The following ADAM22 variants were observed in gnomAD, a reference collection of about 807,000 sequenced individuals.
The protein encoded by ADAM22 is disintegrin and metalloproteinase domain-containing protein 22.
In ADAM22, 65 loss-of-function variants were observed where a neutral mutation model predicts 144.6. The observed-to-expected ratio is 0.45, with a 90% CI of 0.37 to 0.55. The LOEUF (loss-of-function observed/expected upper bound fraction) is 0.55, where lower values mean the gene tolerates loss of function less well. Among genes scored for constraint, ADAM22 ranks in the 20% least tolerant of loss-of-function variants. ADAM22 has a pLI of 0.00. For missense variants in ADAM22, 974 were observed against 1,184.9 expected (o/e 0.82, Z 2.61); for synonymous variants, 391 against 412.6 (o/e 0.95, Z 0.63).
At chr7:88,035,720 G>A (rs1801377912) in intron 3 of ADAM22, among the ~76,000 whole-genome samples, 1 of 152,182 alleles carries the variant, frequency 6.6e-6, no homozygotes, top group South Asian at 2.1e-4. Context: ...TAATGCATAG[G>A]CTGTATGCAA....
chr7:87,992,448 T>A (rs1317048286), intron 3 of ADAM22, among the ~76,000 whole-genome samples: 1 of 152,182 alleles, frequency 6.6e-6, no homozygotes, highest in Non-Finnish European at 1.5e-5. Flanking sequence ...TTTAAGTGAA[T>A]GTTAACGTTA....
chr7:88,099,199 A>C (rs950085449), intron 4 of ADAM22, among the ~76,000 whole-genome samples: 1 of 152,186 alleles, frequency 6.6e-6, no homozygotes, highest in African/African-American at 2.4e-5. Context: ...CAACTCTGAA[A>C]GTCTGAAATT....
intron 3 of ADAM22, among the ~76,000 whole-genome samples, chr7:88,048,833 T>G (rs1209361102): frequency 6.6e-6 from 1 of 152,190 alleles, no homozygotes; most frequent in Non-Finnish European, 1.5e-5. Flanking sequence ...CTACAGATAA[T>G]TCCCTTTTCT....
intron 23 of ADAM22, among the ~76,000 whole-genome samples, chr7:88,164,842 A>G (rs973751671): frequency 6.6e-4 from 100 of 152,242 alleles, no homozygotes; most frequent in African/African-American, 2.3e-3. Flanking sequence ...GACATATGAT[A>G]TAGCAACTGA....
At chr7:88,108,487 G>T (rs191861793) in intron 5 of ADAM22, among the ~76,000 whole-genome samples, 37 of 152,060 alleles carry the variant, frequency 2.4e-4, no homozygotes, top group African/African-American at 7.2e-4. Flanking sequence ...CAGCACTTTG[G>T]GGGGGTCTAG....
At chr7:88,171,481 AT>A in intron 25 of ADAM22, 62 bp from the exon 26 acceptor site, 3 of 1,453,234 alleles carry the variant, frequency 2.1e-6, no homozygotes, top group Non-Finnish European at 1.9e-6. Flanking sequence ...CTCCCTCTTG[AT>A]GTCCTTCCAG....
intron 26 of ADAM22, among the ~76,000 whole-genome samples, chr7:88,173,443 A>C (rs1434022435): frequency 6.6e-6 from 1 of 152,030 alleles, no homozygotes; most frequent in South Asian, 2.1e-4. Flanking sequence ...AGTAGGTCTC[A>C]AAGTGGAGAA....
intron 7 of ADAM22, among the ~76,000 whole-genome samples, chr7:88,119,076 T>C (rs562370534): frequency 2.0e-5 from 3 of 152,336 alleles, no homozygotes; most frequent in Middle Eastern, 3.4e-3. Flanking sequence ...TTCCCCAAAC[T>C]TGCTGGACTG....
Position 88,181,538 on chromosome 7 carries a change from G to T in ADAM22, c.2529G>T (p.Arg843Ser). 6.2e-7 allele frequency: 1 copy of T among 1,613,812 alleles called. No homozygotes were observed. Among genetic ancestry groups the T allele is most frequent in the Non-Finnish European group, 8.5e-7 (1 of 1,179,784 alleles). Residue 843 changes from arginine (R) to serine (S), a missense_variant, in exon 28 of 32, where the codon AGG becomes AGT. By Grantham distance (110) the Arg-to-Ser change is moderately radical (BLOSUM62 -1). Around this residue, in one of 2 missense-constraint regions of ADAM22, gnomAD observed 734 missense variants for 950.6 expected, o/e 0.77. Coordinates refer to ENST00000413139, the MANE Select transcript of ADAM22 (RefSeq NM_001324418.2). Reference protein sequence around the residue: ...SNGLSHSWSERIPDTKHISDI... With the variant: ...SNGLSHSWSESIPDTKHISDI... ...GGCTCTCTCATTCTTGGAGTGAAAG[G>T]ATTCCAGACACAAAACATATTTCAG... is the stretch of plus-strand genomic sequence containing the variant.
At chr7:88,012,208 T>C (rs182495952) in intron 3 of ADAM22, among the ~76,000 whole-genome samples, 4 of 152,318 alleles carry the variant, frequency 2.6e-5, no homozygotes, top group Admixed American at 6.5e-5. Context: ...TGATTCTTTC[T>C]TAGAATTTTT....
chr7:88,041,904 G>C (rs1803214992), intron 3 of ADAM22, among the ~76,000 whole-genome samples: 1 of 151,930 alleles, frequency 6.6e-6, no homozygotes, highest in Non-Finnish European at 1.5e-5. Flanking sequence ...GATCTGTTGA[G>C]AAACAAAATA....
At chr7:88,156,059 G>A in intron 22 of ADAM22, 53 bp downstream of exon 22, 1 of 1,596,962 alleles carries the variant, frequency 6.3e-7, no homozygotes, top group Non-Finnish European at 8.6e-7. Context: ...TCTCAGGAAT[G>A]CAGTTTAGGA....
chr7:88,058,364 A>G (rs559086213), intron 3 of ADAM22, among the ~76,000 whole-genome samples: 1 of 152,354 alleles, frequency 6.6e-6, no homozygotes, highest in South Asian at 2.1e-4. Context: ...TTTGTTTCAC[A>G]TCTATAAACA....
intron 3 of ADAM22, among the ~76,000 whole-genome samples, chr7:88,007,701 G>T (rs977887698): frequency 1.2e-4 from 18 of 152,292 alleles, no homozygotes; most frequent in Non-Finnish European, 2.5e-4. Context: ...GCCATATGTA[G>T]AAAGCTGAAA....
chr7:88,179,850 G>A lies in ADAM22; in HGVS notation c.2495+721G>A, dbSNP rs955100975. On this transcript the variant is annotated intron_variant, in intron 27 of 31. Transcript: ENST00000413139. ...CATTGAAGGAAGCAAAAATATTCTT[G>A]TGGGAGAATTTATTTATTTAAAGTT... is the stretch of plus-strand genomic sequence containing the variant. Among the ~76,000 whole-genome samples the A allele has an allele frequency of 4.6e-5, 7 of 152,122 alleles. No individual in the cohort carries two copies. In the East Asian group the frequency reaches 1.3e-3, roughly 29 times the overall value.
Position 87,935,172 on chromosome 7 carries a change from C to T in ADAM22, c.232C>T (p.Leu78Phe), listed in dbSNP as rs1230774341. 1.9e-6 allele frequency: 3 copies of T among 1,607,290 alleles called. No individual in the cohort carries two copies. The highest frequency in any genetic ancestry group is 2.5e-6 in the Non-Finnish European group (3 of 1,176,566). The change falls in exon 2 of 32, where the codon CTC becomes TTC. Residue 78 changes from leucine (L) to phenylalanine (F), a missense_variant. Leu to Phe is a conservative substitution (Grantham distance 22, BLOSUM62 0). Coordinates refer to ENST00000413139, the MANE Select transcript of ADAM22 (RefSeq NM_001324418.2). ...DALDTRVRGD[L>F]GGPQLTHVDQ... is the part of the protein sequence containing the mutation. ...GCTCGACACGCGGGTGCGGGGCGACCTCGGTGGCCCGCAGGTGAGAGGCTC... is the reference window on the plus strand; with the variant it reads ...GCTCGACACGCGGGTGCGGGGCGACTTCGGTGGCCCGCAGGTGAGAGGCTC...
At chr7:87,960,110 T>C (rs1040377745) in intron 2 of ADAM22, among the ~76,000 whole-genome samples, 1 of 152,216 alleles carries the variant, frequency 6.6e-6, no homozygotes, top group African/African-American at 2.4e-5. Context: ...GTTCTTGCAG[T>C]GGATTCCCAT....
At chr7:87,957,593 T>A (rs760621942) in intron 2 of ADAM22, among the ~76,000 whole-genome samples, 2 of 152,168 alleles carry the variant, frequency 1.3e-5, no homozygotes, top group Non-Finnish European at 2.9e-5. Flanking sequence ...CTTCTTTTTT[T>A]TATTGAGATG....
At chr7:88,191,716 G>A (rs943417862) in intron 30 of ADAM22, among the ~76,000 whole-genome samples, 1 of 152,070 alleles carries the variant, frequency 6.6e-6, no homozygotes, top group Non-Finnish European at 1.5e-5. Context: ...CCATCCGCTC[G>A]GCAATGAAGA....
Sources: allele counts gnomAD v4.1 joint callset (sites outside exome capture counted in the v4.1 genomes callset), GRCh38; gene constraint gnomAD v4.1.1; regional missense constraint gnomAD v4.1.1; transcripts MANE v1.5; gene names NCBI Gene and HGNC (gene_info 2026-07-23, HGNC 2026-07-21).